The following DLG2 variants were observed in gnomAD, a reference collection of about 807,000 sequenced individuals.
DLG2 encodes the protein disks large homolog 2.
DLG2 carries 45 observed loss-of-function variants against 132.5 expected under a neutral mutation model. That is an observed-to-expected ratio of 0.34 (90% CI 0.27 to 0.44). The LOEUF (loss-of-function observed/expected upper bound fraction) is 0.44. DLG2 is among the 20% of genes least tolerant of loss of function. The pLI is 1.00. For synonymous variants in DLG2, 424 were observed against 419.6 expected (o/e 1.01, Z -0.13); for missense variants, 1,045 against 1,196.9 (o/e 0.87, Z 1.87).
intron 7 of DLG2, among the ~76,000 whole-genome samples, chr11:84,460,338 G>T (rs538938392): frequency 1.3e-5 from 2 of 150,190 alleles, no homozygotes; most frequent in African/African-American, 4.9e-5. Context: ...TTTGACATCT[G>T]GGTAATATTA....
intron 16 of DLG2, among the ~76,000 whole-genome samples, chr11:83,844,889 C>T (rs1185511121): frequency 6.6e-6 from 1 of 152,124 alleles, no homozygotes; most frequent in Non-Finnish European, 1.5e-5. Context: ...CCAGGCTCAC[C>T]AAGCCTCCAG....
At chr11:84,224,130 G>A (rs1008245316) in intron 8 of DLG2, among the ~76,000 whole-genome samples, 11 of 152,176 alleles carry the variant, frequency 7.2e-5, no homozygotes, top group African/African-American at 2.7e-4. Flanking sequence ...AGACATAACT[G>A]GCTATAAGGT....
intron 16 of DLG2, among the ~76,000 whole-genome samples, chr11:83,837,840 A>G (rs2056644793): frequency 6.6e-6 from 1 of 151,342 alleles, no homozygotes; most frequent in African/African-American, 2.4e-5. Context: ...GTCTTCCTAC[A>G]TTTGTGTTTT....
chr11:85,014,058 A>G (rs1027103790), intron 6 of DLG2, among the ~76,000 whole-genome samples: 1 of 152,220 alleles, frequency 6.6e-6, no homozygotes, highest in Non-Finnish European at 1.5e-5. Context: ...ATATCAAGAA[A>G]TCTAGATTCT....
intron 16 of DLG2, among the ~76,000 whole-genome samples, chr11:83,862,092 A>G (rs1175707939): frequency 1.3e-5 from 2 of 152,234 alleles, no homozygotes; most frequent in Non-Finnish European, 2.9e-5. Context: ...ACTACTAGGT[A>G]TATATCCAAA....
At chr11:83,846,384 G>A (rs1286678380) in intron 16 of DLG2, among the ~76,000 whole-genome samples, 1 of 152,218 alleles carries the variant, frequency 6.6e-6, no homozygotes, top group Non-Finnish European at 1.5e-5. Flanking sequence ...GAATGTTTGT[G>A]TACTCAGGGG....
intron 6 of DLG2, among the ~76,000 whole-genome samples, chr11:84,957,388 A>T (rs1176398234): frequency 6.6e-6 from 1 of 152,200 alleles, no homozygotes; most frequent in Non-Finnish European, 1.5e-5. Context: ...AGTCCACATT[A>T]TATGTGATAT....
At chr11:84,554,246 G>A (rs1315015401) in intron 6 of DLG2, among the ~76,000 whole-genome samples, 1 of 152,166 alleles carries the variant, frequency 6.6e-6, no homozygotes, top group Non-Finnish European at 1.5e-5. Flanking sequence ...TCACAGTGAA[G>A]CTTCCCAAAT....
At chr11:85,002,362 T>G (rs747902731) in intron 6 of DLG2, among the ~76,000 whole-genome samples, 1 of 152,050 alleles carries the variant, frequency 6.6e-6, no homozygotes, top group Non-Finnish European at 1.5e-5. Flanking sequence ...TTAGAAGAAA[T>G]GAGGAACCAA....
intron 4 of DLG2, among the ~76,000 whole-genome samples, chr11:85,279,498 C>G (rs2078101781): frequency 6.6e-6 from 1 of 152,040 alleles, no homozygotes; most frequent in East Asian, 1.9e-4. Flanking sequence ...GTAGCTAAAG[C>G]TTATGTATGA....
intron 7 of DLG2, among the ~76,000 whole-genome samples, chr11:84,416,239 G>C (rs1601737518): frequency 6.6e-6 from 1 of 152,138 alleles, no homozygotes; most frequent in African/African-American, 2.4e-5. Flanking sequence ...GTAACTTAGA[G>C]AGAGAGAAAG....
At chr11:84,594,343 T>A (rs2099551161) in intron 6 of DLG2, among the ~76,000 whole-genome samples, 1 of 152,194 alleles carries the variant, frequency 6.6e-6, no homozygotes, top group Non-Finnish European at 1.5e-5. Context: ...AATGTAACAT[T>A]CATTCATGCC....
intron 7 of DLG2, among the ~76,000 whole-genome samples, chr11:84,370,813 C>A (rs1187159556): frequency 2.6e-5 from 4 of 152,062 alleles, no homozygotes; most frequent in African/African-American, 9.7e-5. Context: ...CTGAGCCAGA[C>A]TGAAAGGAAC....
At chr11:83,578,075 T>TACACACAC (rs148521282) in intron 19 of DLG2, among the ~76,000 whole-genome samples, 4,278 of 134,996 alleles carry the variant, frequency 0.032, 80 homozygotes, top group African/African-American at 0.05. Context: ...TATATATGTA[T>TACACACAC]ACACACACAC....
rs147298070 is a variant in DLG2 at position 84,584,496 on chromosome 11, G to A, written c.358-49765C>T. 8.6e-5 allele frequency among the ~76,000 whole-genome samples: 13 copies of A among 151,356 alleles called. 1 individual carries two copies. In the East Asian group the frequency reaches 2.3e-3, roughly 27 times the overall value. On this transcript the variant is annotated intron_variant, in intron 6 of 27. Transcript: ENST00000376104. Reference sequence around the variant, plus strand: ...CAAGTAACTGGGACTACAGGTGGGTGTCACCATGCCTGGCTATTTTTTTTT... The same window carrying A: ...CAAGTAACTGGGACTACAGGTGGGTATCACCATGCCTGGCTATTTTTTTTT...
chr11:85,530,079 C>G (rs935458492), intron 3 of DLG2, among the ~76,000 whole-genome samples: 3 of 147,798 alleles, frequency 2.0e-5, no homozygotes, highest in African/African-American at 7.5e-5. Flanking sequence ...TCACCACAAC[C>G]TCCACCTCAT....
intron 6 of DLG2, among the ~76,000 whole-genome samples, chr11:85,085,940 C>T (rs1418288853): frequency 6.6e-6 from 1 of 152,158 alleles, no homozygotes; most frequent in African/African-American, 2.4e-5. Flanking sequence ...TTAAAACAAG[C>T]TCTATGTCTA....
intron 19 of DLG2, among the ~76,000 whole-genome samples, chr11:83,575,413 A>T (rs2096859324): frequency 6.6e-6 from 1 of 152,178 alleles, no homozygotes; most frequent in Non-Finnish European, 1.5e-5. Flanking sequence ...ATCTGAAGAG[A>T]TCAACATGGC....
At chr11:84,851,012 C>T (rs1036772154) in intron 6 of DLG2, among the ~76,000 whole-genome samples, 10 of 152,042 alleles carry the variant, frequency 6.6e-5, no homozygotes, top group African/African-American at 2.2e-4. Context: ...ATCCCAGTTA[C>T]TTTTATTCCC....
Sources: gnomAD v4.1 joint callset for allele counts (sites outside exome capture counted in the v4.1 genomes callset) on GRCh38, gnomAD v4.1.1 for gene constraint, MANE v1.5 for transcripts, NCBI Gene and HGNC (gene_info 2026-07-23, HGNC 2026-07-21) for gene names.